Variants in EZH2 observed in about 807,000 individuals in gnomAD.
EZH2 encodes histone-lysine N-methyltransferase EZH2.
A neutral mutation model predicts 98.4 loss-of-function variants in EZH2; 18 were observed. The ratio of observed to expected loss-of-function variants is 0.18; its 90% CI spans 0.13 to 0.27. The LOEUF (loss-of-function observed/expected upper bound fraction) is 0.27. EZH2 is among the 10% of genes least tolerant of loss of function. The probability of loss-of-function intolerance (pLI) is 1.00; values close to 1 mark genes in which losing one functional copy is unlikely to be tolerated. For synonymous variants in EZH2, 338 were observed against 312.3 expected (o/e 1.08, Z -0.87); for missense variants, 470 against 935.1 (o/e 0.50, Z 6.49).
At chr7:148,825,594 G>C (rs1329599311) in intron 8 of EZH2, among the ~76,000 whole-genome samples, 4 of 152,172 alleles carry the variant, frequency 2.6e-5, no homozygotes, top group Admixed American at 1.3e-4. Flanking sequence ...GTTATCATTG[G>C]TGAACGAGGA....
intron 10 of EZH2, chr7:148,817,637 A>G: frequency 1.5e-6 from 1 of 666,890 alleles, no homozygotes; most frequent in Non-Finnish European, 2.5e-6. Flanking sequence ...AAAATGGCAC[A>G]AAGAATGAGA....
chr7:148,866,571 T>TAC (rs1397733129), intron 1 of EZH2, among the ~76,000 whole-genome samples: 2 of 143,978 alleles, frequency 1.4e-5, no homozygotes, highest in Non-Finnish European at 3.0e-5. Context: ...TACATATATA[T>TAC]ACGTATATAC....
In EZH2 at chr7:148,815,556, C is replaced by T; in HGVS notation, c.1506-10G>A. 4 of 1,614,026 alleles carry T rather than the reference C, an allele frequency of 2.5e-6. No homozygotes were observed. Among genetic ancestry groups the T allele is most frequent in the Non-Finnish European group, 3.4e-6 (4 of 1,179,896 alleles). On this transcript the variant is annotated splice_polypyrimidine_tract_variant and intron_variant, in intron 12 of 19. Transcript: ENST00000320356. ...GTGTGCAGCCCACAACCTGCAAAAACACAAAGAAAATTAAACCAAATTTCT... is the reference window on the plus strand; with the variant it reads ...GTGTGCAGCCCACAACCTGCAAAAATACAAAGAAAATTAAACCAAATTTCT...
chr7:148,881,932 T>TC (rs1821019644), intron 1 of EZH2, among the ~76,000 whole-genome samples: 1 of 115,986 alleles, frequency 8.6e-6, no homozygotes. Context: ...AGGCTCTGTC[T>TC]CAAAAAAAAA....
At chr7:148,837,048 CTG>C (rs1027025474) in intron 3 of EZH2, 1 of 480,974 alleles carries the variant, frequency 2.1e-6, no homozygotes, top group African/African-American at 2.0e-5. Context: ...GTGCCAAGCA[CTG>C]TGCTAGAGAC....
Position 148,850,812 on chromosome 7 carries a change from T to C in EZH2, c.-7-3507A>G, listed in dbSNP as rs909140440. 3.3e-5 allele frequency among the ~76,000 whole-genome samples: 5 copies of C among 152,170 alleles called. 1 individual carries two copies. The highest frequency in any genetic ancestry group is 2.6e-4 in the Admixed American group (4 of 15,268). On this transcript the variant is annotated intron_variant, in intron 1 of 19. Transcript: ENST00000320356. The stretch of plus-strand genomic sequence containing the variant: ...GCTGCAGATAGTACTAAACTCTAAA[T>C]ATACCATGTTTTTTCCTATACGTAC...
At chr7:148,826,394 G>C (rs1342805539) in intron 8 of EZH2, 60 bp downstream of exon 8, 3 of 1,273,022 alleles carry the variant, frequency 2.4e-6, no homozygotes, top group Non-Finnish European at 2.1e-6. Flanking sequence ...ATAAATGATA[G>C]CACTCTCCAA....
chr7:148,880,700 T>C (rs1249754228), intron 1 of EZH2, among the ~76,000 whole-genome samples: 1 of 152,252 alleles, frequency 6.6e-6, no homozygotes, highest in Non-Finnish European at 1.5e-5. Flanking sequence ...ACATGAATAC[T>C]AACATATCCT....
At chr7:148,881,464 A>AGT (rs1338040777) in intron 1 of EZH2, among the ~76,000 whole-genome samples, 2 of 152,222 alleles carry the variant, frequency 1.3e-5, no homozygotes, top group African/African-American at 2.4e-5. Flanking sequence ...TAGATCAACA[A>AGT]GTGTGTTTTA....
chr7:148,810,817 AC>A (rs1366496350), intron 16 of EZH2, among the ~76,000 whole-genome samples: 1 of 146,358 alleles, frequency 6.8e-6, no homozygotes, highest in Non-Finnish European at 1.5e-5. Flanking sequence ...AATCGCTTGA[AC>A]CCGGGAGGCT....
intron 1 of EZH2, among the ~76,000 whole-genome samples, chr7:148,881,069 C>T (rs1015968204): frequency 5.3e-5 from 8 of 152,132 alleles, no homozygotes; most frequent in Non-Finnish European, 8.8e-5. Context: ...TATGCTCTCC[C>T]CCGAAGATTT....
In EZH2 at chr7:148,814,155, G is replaced by C. The variant is rs780934973; in HGVS notation, c.1673-18C>G. 1 of 1,611,082 alleles carries C rather than the reference G, an allele frequency of 6.2e-7. No individual in the cohort carries two copies. The highest frequency in any genetic ancestry group is 2.2e-5 in the East Asian group (1 of 44,848). On this transcript the variant is annotated intron_variant, in intron 14 of 19. Coordinates refer to ENST00000320356, the MANE Select transcript of EZH2 (RefSeq NM_004456.5). ...GTTTTGACCTTCAGAGAGAGGTTTG[G>C]AGGTTCTTCACTCATCACCGTATGC...
intron 1 of EZH2, among the ~76,000 whole-genome samples, chr7:148,855,523 C>G (rs1393402762): frequency 6.6e-6 from 1 of 152,184 alleles, no homozygotes; most frequent in East Asian, 1.9e-4. Flanking sequence ...GCCTCCACCT[C>G]AGAGTCATTG....
intron 1 of EZH2, chr7:148,883,959 C>G (rs1016811769): frequency 6.6e-6 from 1 of 152,254 alleles, no homozygotes; most frequent in African/African-American, 2.4e-5. Flanking sequence ...CGGGCCAGCC[C>G]GAAGCTCACA....
chr7:148,810,896 C>CAA (rs924758768), intron 16 of EZH2, among the ~76,000 whole-genome samples: 1,474 of 43,570 alleles, frequency 0.034, 80 homozygotes, highest in African/African-American at 0.078. Flanking sequence ...AACTCTGTCT[C>CAA]AAAAAAAAAA....
chr7:148,877,802 T>C (rs1218708944), intron 1 of EZH2, among the ~76,000 whole-genome samples: 1 of 152,226 alleles, frequency 6.6e-6, no homozygotes, highest in Non-Finnish European at 1.5e-5. Flanking sequence ...TTACCTACTT[T>C]TAAATGTAAC....
chr7:148,842,141 G>A (rs60503474), intron 3 of EZH2, among the ~76,000 whole-genome samples: 3,830 of 152,118 alleles, frequency 0.025, 154 homozygotes, highest in African/African-American at 0.087. Flanking sequence ...ATATTCTCCT[G>A]GGAATCTAGA....
At chr7:148,815,297 C>T (rs1164552074) in intron 13 of EZH2, among the ~76,000 whole-genome samples, 2 of 152,200 alleles carry the variant, frequency 1.3e-5, no homozygotes, top group African/African-American at 2.4e-5. Context: ...TCAACTGACT[C>T]GGACTCACAC....
intron 12 of EZH2, 104 bp downstream of exon 12, chr7:148,816,580 T>C: frequency 1.3e-6 from 1 of 784,714 alleles, no homozygotes; most frequent in Non-Finnish European, 2.1e-6. Flanking sequence ...TTTAAGGTTT[T>C]TTAAAAATAG....
Sources: allele counts gnomAD v4.1 joint callset (sites outside exome capture counted in the v4.1 genomes callset), GRCh38; gene constraint gnomAD v4.1.1; transcripts MANE v1.5; gene names NCBI Gene and HGNC (gene_info 2026-07-23, HGNC 2026-07-21).